The following RBM46 variants were observed in gnomAD, a reference collection of about 807,000 sequenced individuals.
The protein encoded by RBM46 is RNA binding motif protein 46.
Under a neutral mutation model 43.3 loss-of-function variants are expected in RBM46, and 12 were observed. That is an observed-to-expected ratio of 0.28 (90% confidence interval 0.18 to 0.45). RBM46 has a LOEUF of 0.45. Ranked by LOEUF, RBM46 falls within the 20% of genes least tolerant of loss-of-function variation. RBM46 has a pLI of 1.00. For synonymous variants in RBM46, 205 were observed against 207.6 expected, an observed-to-expected ratio of 0.99 and a Z score of 0.11; for missense variants, 412 against 639.1, an observed-to-expected ratio of 0.64 and a Z score of 3.83.
At chr4:154,811,991 A>G (rs1395168805) in intron 4 of RBM46, among the ~76,000 whole-genome samples, 1 of 150,992 alleles carries the variant, frequency 6.6e-6, no homozygotes. Context: ...TGTTGTAGAT[A>G]GGATTTTAAT....
intron 1 of RBM46, among the ~76,000 whole-genome samples, chr4:154,793,643 G>C (rs867200124): frequency 3.9e-5 from 6 of 152,128 alleles, no homozygotes; most frequent in Admixed American, 3.9e-4. Context: ...GAAGCCTGCA[G>C]GTGTTTTGTT....
intron 4 of RBM46, chr4:154,827,619 C>T: frequency 8.0e-7 from 1 of 1,249,106 alleles, no homozygotes; most frequent in East Asian, 3.6e-5. Flanking sequence ...TAGTAGATAT[C>T]CAAGAATTCA....
chr4:154,797,611 CCACT>C (rs1734417631), intron 2 of RBM46, among the ~76,000 whole-genome samples, 196 bp from the exon 3 acceptor site: 1 of 152,134 alleles, frequency 6.6e-6, no homozygotes, highest in Admixed American at 6.5e-5. Flanking sequence ...TAGCACTTAA[CCACT>C]CACTTGTTAT....
intron 4 of RBM46, among the ~76,000 whole-genome samples, chr4:154,806,495 A>C (rs1734912424): frequency 6.6e-6 from 1 of 151,812 alleles, no homozygotes; most frequent in African/African-American, 2.4e-5. Flanking sequence ...ACCAAAAATA[A>C]TACTTTAAAA....
intron 1 of RBM46, among the ~76,000 whole-genome samples, chr4:154,786,252 A>G (rs974862202): frequency 1.3e-5 from 2 of 151,906 alleles, no homozygotes; most frequent in East Asian, 3.9e-4. Flanking sequence ...ATGCCTGGCT[A>G]ATTTTTTTGT....
chr4:154,808,494 T>C (rs1297961824), intron 4 of RBM46, among the ~76,000 whole-genome samples: 1 of 152,058 alleles, frequency 6.6e-6, no homozygotes, highest in Non-Finnish European at 1.5e-5. Flanking sequence ...TCCAGTCTGC[T>C]TGTTTACTGG....
chr4:154,817,077 T>C (rs755680324), intron 4 of RBM46, among the ~76,000 whole-genome samples: 4 of 152,122 alleles, frequency 2.6e-5, no homozygotes, highest in African/African-American at 9.7e-5. Context: ...CATTTGTTTT[T>C]TTTAGGATTT....
chr4:154,797,600 G>A (rs757760606), intron 2 of RBM46, among the ~76,000 whole-genome samples: 3 of 151,922 alleles, frequency 2.0e-5, no homozygotes, highest in Admixed American at 2.0e-4. Context: ...GATTTTCTTC[G>A]TAGCACTTAA....
chr4:154,826,094 G>A (rs156560), intron 4 of RBM46, among the ~76,000 whole-genome samples: 87,340 of 151,032 alleles, frequency 0.58, 28,010 homozygotes, highest in African/African-American at 0.85. Flanking sequence ...ACATGGAGCC[G>A]GTAATGGTCC....
Position 154,801,254 on chromosome 4 carries a change from TA to T in RBM46, c.1402+1691del, listed in dbSNP as rs554261115. 2.4e-3 allele frequency among the ~76,000 whole-genome samples: 362 copies of T among 152,232 alleles called. 2 individuals carry two copies. Among genetic ancestry groups the T allele is most frequent in the African/African-American group, 8.1e-3 (335 of 41,556 alleles). Reference sequence around the variant, plus strand: ...TCAGCCTCCCAAAGTATATTACAAATATTTTTAAGAGATTCTGATTTGGAGA... The same window carrying T: ...TCAGCCTCCCAAAGTATATTACAAATTTTTTAAGAGATTCTGATTTGGAGA... On this transcript the variant is annotated intron_variant, in intron 4 of 4. Transcript: ENST00000281722.
intron 1 of RBM46, among the ~76,000 whole-genome samples, chr4:154,792,202 G>A (rs1189171952): frequency 2.0e-5 from 3 of 151,926 alleles, no homozygotes; most frequent in East Asian, 1.9e-4. Flanking sequence ...TCTTAGTCTC[G>A]TTTTATGTAT....
In RBM46 at chr4:154,799,481, A is replaced by G. The variant is rs772958863; in HGVS notation, c.1319A>G (p.Gln440Arg). ...IVIPAIANGS[Q>R]SYFMPDKLCT... ...ATTCCTGCTATTGCAAATGGATCCC[A>G]GAGTTACTTCATGCCAGACAAACTC... Residue 440 changes from glutamine to arginine, a missense_variant, in exon 4 of 5, where the codon CAG becomes CGG. Coordinates refer to ENST00000281722, the MANE Select transcript of RBM46 (RefSeq NM_144979.5). 1.2e-6 allele frequency: 2 copies of G among 1,613,514 alleles called. No individual in the cohort carries two copies. Among genetic ancestry groups the G allele is most frequent in the Non-Finnish European group, 1.7e-6 (2 of 1,179,754 alleles).
intron 4 of RBM46, among the ~76,000 whole-genome samples, chr4:154,814,798 T>C (rs746357723): frequency 3.3e-5 from 5 of 151,922 alleles, no homozygotes; most frequent in African/African-American, 4.8e-5. Flanking sequence ...CATTATCAAC[T>C]TCTCCTTTAT....
intron 4 of RBM46, among the ~76,000 whole-genome samples, chr4:154,803,828 G>A (rs1734769102): frequency 6.7e-6 from 1 of 148,838 alleles, no homozygotes; most frequent in Non-Finnish European, 1.5e-5. Flanking sequence ...TTGGACATTT[G>A]TCCCTGCCAA....
Position 154,798,819 on chromosome 4 carries a change from T to C in RBM46, c.657T>C (p.Asp219=). 1 of 1,569,488 alleles carries C rather than the reference T, an allele frequency of 6.4e-7. No homozygotes were observed. Among genetic ancestry groups the C allele is most frequent in the Non-Finnish European group, 8.6e-7 (1 of 1,160,802 alleles). The change falls in exon 4 of 5, where the codon GAT becomes GAC. Residue 219 remains aspartate (D), a synonymous_variant. Coordinates refer to ENST00000281722, the MANE Select transcript of RBM46 (RefSeq NM_144979.5). ...TATGGGGCCACACCATTCAGGTAGA[T>C]TGGGCTGACCCAGAGAAAGAGGTGG... ...FQLWGHTIQV[D]WADPEKEVDE... is the part of the protein sequence containing the mutation.
Position 154,797,890 on chromosome 4 carries a change from A to G in RBM46, c.231A>G (p.Leu77=). 1 of 1,607,160 alleles carries G rather than the reference A, an allele frequency of 6.2e-7. No individual in the cohort carries two copies. Among genetic ancestry groups the G allele is most frequent in the Non-Finnish European group, 8.5e-7 (1 of 1,178,046 alleles). The change falls in exon 3 of 5, where the codon TTA becomes TTG. Residue 77 remains leucine (L), a synonymous_variant. Transcript: ENST00000281722. ...KIPRDMYEDE[L]VPVFERAGKI... is the part of the protein sequence containing the mutation. ...CTCGTGATATGTATGAAGATGAGTTAGTTCCTGTATTTGAAAGAGCTGGGA... is the reference window on the plus strand; with the variant it reads ...CTCGTGATATGTATGAAGATGAGTTGGTTCCTGTATTTGAAAGAGCTGGGA...
intron 4 of RBM46, among the ~76,000 whole-genome samples, chr4:154,801,133 C>T (rs147993971): frequency 0.016 from 2,454 of 152,114 alleles, 31 homozygotes; most frequent in Non-Finnish European, 0.025. Flanking sequence ...CGCCCACCAC[C>T]GTGCCCGGCT....
At chr4:154,789,696 G>A (rs1040102823) in intron 1 of RBM46, among the ~76,000 whole-genome samples, 2 of 152,190 alleles carry the variant, frequency 1.3e-5, no homozygotes, top group Non-Finnish European at 2.9e-5. Flanking sequence ...CATAAAATGA[G>A]TTAGGGAGGA....
chr4:154,804,288 G>A (rs1734797593), intron 4 of RBM46, among the ~76,000 whole-genome samples: 1 of 152,186 alleles, frequency 6.6e-6, no homozygotes, highest in African/African-American at 2.4e-5. Flanking sequence ...TTGCTATATG[G>A]AGATATCTTG....
Sources: allele counts gnomAD v4.1 joint callset (sites outside exome capture counted in the v4.1 genomes callset), GRCh38; gene constraint gnomAD v4.1.1; transcripts MANE v1.5; gene names NCBI Gene and HGNC (gene_info 2026-07-23, HGNC 2026-07-21).